DPP10: variants seen among roughly 807,000 people sequenced by gnomAD.
The protein encoded by DPP10 is inactive dipeptidyl peptidase 10.
DPP10 carries 33 observed loss-of-function variants against 120.9 expected under a neutral mutation model. The observed-to-expected ratio is 0.27, with a 90% CI of 0.21 to 0.37. DPP10 has a LOEUF of 0.37. Ranked by LOEUF, DPP10 falls within the 10% of genes least tolerant of loss-of-function variation. The pLI is 1.00. For missense variants in DPP10, 816 were observed against 942.8 expected (o/e 0.87, Z 1.76); for synonymous variants, 337 against 326.1 (o/e 1.03, Z -0.36).
intron 1 of DPP10, among the ~76,000 whole-genome samples, chr2:114,737,373 A>C (rs1677549783): frequency 6.6e-6 from 1 of 152,208 alleles, no homozygotes; most frequent in Non-Finnish European, 1.5e-5. Flanking sequence ...GACATCTTGC[A>C]GTTTACTACA....
At position 114,444,370 on chromosome 2, in the gene DPP10, C is replaced by T. The variant is rs1446004447; in HGVS notation, c.60+1532C>T. Among the ~76,000 whole-genome samples the T allele has an allele frequency of 3.9e-5, 6 of 152,276 alleles. No individual in the cohort carries two copies. The East Asian group carries it at 1.2e-3, about 29-fold the overall frequency. On this transcript the variant is annotated intron_variant, in intron 1 of 25. Coordinates refer to ENST00000410059, the MANE Select transcript of DPP10 (RefSeq NM_020868.6). Reference sequence around the variant, plus strand: ...TGAAGCCTAAAGTGGGATAGAGTTACAAACTGGCTGCCTACTGCTAAGTAT... The same window carrying T: ...TGAAGCCTAAAGTGGGATAGAGTTATAAACTGGCTGCCTACTGCTAAGTAT...
chr2:114,456,976 A>G (rs527924463), intron 1 of DPP10, among the ~76,000 whole-genome samples: 5 of 152,338 alleles, frequency 3.3e-5, no homozygotes, highest in African/African-American at 1.2e-4. Flanking sequence ...TGTAGAAAAC[A>G]GTTAATAAAA....
At chr2:115,498,229 A>G (rs180984099) in intron 3 of DPP10, among the ~76,000 whole-genome samples, 1 of 152,252 alleles carries the variant, frequency 6.6e-6, no homozygotes, top group African/African-American at 2.4e-5. Context: ...CAGGAGAGTC[A>G]TATTGGACTA....
chr2:114,460,189 C>T (rs575174894), intron 1 of DPP10, among the ~76,000 whole-genome samples: 2 of 151,264 alleles, frequency 1.3e-5, no homozygotes, highest in East Asian at 3.9e-4. Context: ...ATCTATCTAT[C>T]TATCTATCTA....
Position 115,283,692 on chromosome 2 carries a change from T to C in DPP10, c.61-25547T>C, listed in dbSNP as rs1221522085. On this transcript the variant is annotated intron_variant, in intron 1 of 25. Coordinates refer to ENST00000410059, the MANE Select transcript of DPP10 (RefSeq NM_020868.6). ...TTATTTTCCAATCATTCTGGCAATC[T>C]TTAAAAATGTGGTTCCCTGAGTATG... Among the ~76,000 whole-genome samples the C allele has an allele frequency of 5.9e-5, 9 of 152,208 alleles. No homozygotes were observed. The East Asian group carries it at 1.7e-3, about 29-fold the overall frequency.
Position 114,720,274 on chromosome 2 carries a change from A to G in DPP10, c.60+277436A>G, listed in dbSNP as rs116543889. On this transcript the variant is annotated intron_variant, in intron 1 of 25. Coordinates refer to ENST00000410059, the MANE Select transcript of DPP10 (RefSeq NM_020868.6). Reference sequence around the variant, plus strand: ...TCTGACGACTTTCTATTGAGCTTGCATGAGCACTAGGTCTCTTTAATATAT... The same window carrying G: ...TCTGACGACTTTCTATTGAGCTTGCGTGAGCACTAGGTCTCTTTAATATAT... 8.5e-3 allele frequency among the ~76,000 whole-genome samples: 1,293 copies of G among 152,298 alleles called. 20 individuals are homozygous for G. The highest frequency in any genetic ancestry group is 0.03 in the African/African-American group (1,234 of 41,550).
chr2:115,038,814 C>T (rs182294327), intron 1 of DPP10, among the ~76,000 whole-genome samples: 34 of 152,170 alleles, frequency 2.2e-4, no homozygotes, highest in African/African-American at 7.9e-4. Flanking sequence ...TCAGAGTCAC[C>T]GAGCTAGAAT....
chr2:115,756,568 GAATT>G (rs1679433590), intron 11 of DPP10, among the ~76,000 whole-genome samples: 1 of 151,952 alleles, frequency 6.6e-6, no homozygotes, highest in Non-Finnish European at 1.5e-5. Context: ...AATAAAGAAT[GAATT>G]AAAGATAAAT....
chr2:114,606,270 A>C (rs530123436), intron 1 of DPP10, among the ~76,000 whole-genome samples: 15 of 152,224 alleles, frequency 9.9e-5, no homozygotes, highest in Admixed American at 2.6e-4. Context: ...TTATGCCTGC[A>C]TTTTATGGGC....
intron 1 of DPP10, among the ~76,000 whole-genome samples, chr2:114,493,887 C>A (rs1002814329): frequency 6.6e-6 from 1 of 152,044 alleles, no homozygotes; most frequent in Non-Finnish European, 1.5e-5. Context: ...GGATACCTGG[C>A]CTCTACTGAA....
At chr2:115,686,590 A>G (rs951063753) in intron 5 of DPP10, among the ~76,000 whole-genome samples, 1 of 151,886 alleles carries the variant, frequency 6.6e-6, no homozygotes, top group Non-Finnish European at 1.5e-5. Context: ...TAGTAATCAA[A>G]CTCTTCTTAG....
At chr2:115,767,039 A>G (rs946075600) in intron 12 of DPP10, among the ~76,000 whole-genome samples, 2 of 152,150 alleles carry the variant, frequency 1.3e-5, no homozygotes, top group African/African-American at 2.4e-5. Context: ...AAAGAAAATA[A>G]AAGGAGATGA....
chr2:115,332,692 C>A (rs2062830282), intron 2 of DPP10, among the ~76,000 whole-genome samples: 1 of 152,294 alleles, frequency 6.6e-6, no homozygotes, highest in Non-Finnish European at 1.5e-5. Context: ...ACCCAGTAGT[C>A]ATTCAGGAGC....
At chr2:114,748,351 A>T (rs61486476) in intron 1 of DPP10, among the ~76,000 whole-genome samples, 44,404 of 98,484 alleles carry the variant, frequency 0.45, 10,044 homozygotes, top group South Asian at 0.55. Context: ...TTTTTTTTTT[A>T]TTTTTTTTTA....
chr2:114,866,002 C>T (rs905938231), intron 1 of DPP10, among the ~76,000 whole-genome samples: 2 of 152,000 alleles, frequency 1.3e-5, no homozygotes, highest in Non-Finnish European at 2.9e-5. Flanking sequence ...AACCCAGCTA[C>T]TCAGGAGGCT....
At chr2:115,700,258 T>C (rs1559047084) in intron 7 of DPP10, among the ~76,000 whole-genome samples, 2 of 152,128 alleles carry the variant, frequency 1.3e-5, no homozygotes, top group Non-Finnish European at 2.9e-5. Flanking sequence ...ACATTTAACA[T>C]GAGATTTGAG....
intron 1 of DPP10, among the ~76,000 whole-genome samples, chr2:114,801,045 C>T (rs925850767): frequency 4.6e-5 from 7 of 151,794 alleles, no homozygotes; most frequent in Non-Finnish European, 1.0e-4. Context: ...GGGCAGATCA[C>T]GAGGTCAGGA....
rs151315738 is a variant in DPP10 at position 115,423,712 on chromosome 2, C to T, written c.272-75798C>T. ...AAAAATATCATAATGTCTCAATGTA[C>T]AGTGAATCAATAGTACCTTGTGGGA... is the stretch of plus-strand genomic sequence containing the variant. On this transcript the variant is annotated intron_variant, in intron 3 of 25. Transcript: ENST00000410059. Among the ~76,000 whole-genome samples the T allele has an allele frequency of 1.1e-4, 17 of 152,234 alleles. 1 individual carries two copies. Among genetic ancestry groups the T allele is most frequent in the African/African-American group, 3.9e-4 (16 of 41,558 alleles).
At chr2:114,801,974 G>A (rs1334916057) in intron 1 of DPP10, among the ~76,000 whole-genome samples, 1 of 152,128 alleles carries the variant, frequency 6.6e-6, no homozygotes, top group Non-Finnish European at 1.5e-5. Context: ...AGAACATGTG[G>A]AAACGTCTCT....
Sources: gnomAD v4.1 joint callset for allele counts (sites outside exome capture counted in the v4.1 genomes callset) on GRCh38, gnomAD v4.1.1 for gene constraint, MANE v1.5 for transcripts, NCBI Gene and HGNC (gene_info 2026-07-23, HGNC 2026-07-21) for gene names.